The following C12orf42 variants were observed in gnomAD, a reference collection of about 807,000 sequenced individuals.
C12orf42 encodes chromosome 12 open reading frame 42, also known as uncharacterized protein C12orf42.
Under a neutral mutation model 21.6 loss-of-function variants are expected in C12orf42, and 25 were observed. That is an observed-to-expected ratio of 1.16 (90% confidence interval 0.84 to 1.62). The LOEUF (loss-of-function observed/expected upper bound fraction) is 1.62, where lower values mean the gene tolerates loss of function less well. C12orf42 is among the 40% of genes most tolerant of loss of function. C12orf42 has a pLI of 0.00. For missense variants in C12orf42, 483 were observed against 459.3 expected, an observed-to-expected ratio of 1.05 and a Z score of -0.47; for synonymous variants, 174 against 175.0, an observed-to-expected ratio of 0.99 and a Z score of 0.05.
At chr12:103,065,627 C>T in the C12orf42 span, among the ~76,000 whole-genome samples, 3 of 152,186 alleles carry the variant, frequency 2.0e-5, no homozygotes, top group Non-Finnish European at 2.9e-5. Flanking sequence ...ATTAATGAGA[C>T]GTTTGTGTGC....
chr12:103,186,026 A>G, the C12orf42 span, among the ~76,000 whole-genome samples: 1 of 152,206 alleles, frequency 6.6e-6, no homozygotes, highest in Non-Finnish European at 1.5e-5. Flanking sequence ...TAAGAAACTA[A>G]GTTGGTCCAG....
the C12orf42 span, among the ~76,000 whole-genome samples, chr12:103,150,455 C>G: frequency 0.12 from 18,815 of 152,188 alleles, 1,585 homozygotes; most frequent in East Asian, 0.45. Context: ...TTAAAATTAG[C>G]TTTTATTGAC....
chr12:103,278,326 C>G (rs371733124), intron 4 of C12orf42, among the ~76,000 whole-genome samples: 40 of 152,054 alleles, frequency 2.6e-4, no homozygotes, highest in African/African-American at 8.9e-4. Flanking sequence ...TCCACTGAAC[C>G]AAAATACACT....
chr12:103,492,110 C>G (rs1017635263), intron 1 of C12orf42, among the ~76,000 whole-genome samples: 3 of 152,156 alleles, frequency 2.0e-5, no homozygotes, highest in African/African-American at 4.8e-5. Context: ...GCGTGCGCAA[C>G]TACGCCCAGC....
the C12orf42 span, among the ~76,000 whole-genome samples, chr12:103,218,042 G>A: frequency 6.6e-6 from 1 of 152,168 alleles, no homozygotes; most frequent in Non-Finnish European, 1.5e-5. Context: ...AGCATTTTGG[G>A]AGGCGAGGTG....
the C12orf42 span, among the ~76,000 whole-genome samples, chr12:103,078,876 AT>A: frequency 6.6e-6 from 1 of 152,178 alleles, no homozygotes; most frequent in Non-Finnish European, 1.5e-5. Flanking sequence ...CCGACATCCT[AT>A]ACTATGCTTT....
the C12orf42 span, among the ~76,000 whole-genome samples, chr12:103,049,984 C>CTTGG: frequency 2.0e-5 from 3 of 152,252 alleles, no homozygotes; most frequent in South Asian, 2.1e-4. Context: ...TATTTATTTA[C>CTTGG]TTGGTTGGTT....
At chr12:103,052,741 G>A in the C12orf42 span, among the ~76,000 whole-genome samples, 55 of 152,082 alleles carry the variant, frequency 3.6e-4, no homozygotes, top group African/African-American at 1.2e-3. Context: ...CCAAGCTCAT[G>A]AAGATATATT....
chr12:103,400,470 G>A (rs961303494), intron 3 of C12orf42, among the ~76,000 whole-genome samples: 3 of 152,178 alleles, frequency 2.0e-5, no homozygotes, highest in Admixed American at 6.5e-5. Flanking sequence ...AGTCCATTCT[G>A]GGAGTCATGG....
At chr12:103,140,449 A>G in the C12orf42 span, among the ~76,000 whole-genome samples, 2 of 152,128 alleles carry the variant, frequency 1.3e-5, no homozygotes, top group Admixed American at 6.5e-5. Flanking sequence ...GGAGGAGTTA[A>G]AATTCATGAG....
At chr12:103,183,263 G>A in the C12orf42 span, among the ~76,000 whole-genome samples, 3 of 152,178 alleles carry the variant, frequency 2.0e-5, no homozygotes, top group Non-Finnish European at 4.4e-5. Flanking sequence ...TGTATTTTTA[G>A]TAGAGGTGGG....
At chr12:103,352,191 A>C (rs766220845) in intron 4 of C12orf42, among the ~76,000 whole-genome samples, 1 of 152,106 alleles carries the variant, frequency 6.6e-6, no homozygotes, top group Non-Finnish European at 1.5e-5. Context: ...TGATCTGCCT[A>C]AGAAAGGCCA....
chr12:103,346,598 G>C (rs906039075), intron 4 of C12orf42, among the ~76,000 whole-genome samples: 7 of 152,294 alleles, frequency 4.6e-5, no homozygotes, highest in African/African-American at 1.7e-4. Flanking sequence ...GTAATTAGCA[G>C]AGAAAAGTTG....
chr12:103,483,689 T>G (rs1471572488), intron 1 of C12orf42, among the ~76,000 whole-genome samples: 1 of 152,130 alleles, frequency 6.6e-6, no homozygotes, highest in Admixed American at 6.5e-5. Flanking sequence ...ATACTTTAAG[T>G]TCTAGGGTAC....
chr12:103,054,723 G>A, the C12orf42 span, among the ~76,000 whole-genome samples: 1 of 151,856 alleles, frequency 6.6e-6, no homozygotes, highest in African/African-American at 2.4e-5. Flanking sequence ...TTCTGTAGAT[G>A]TTCTTTATCA....
At position 103,449,462 on chromosome 12, in the gene C12orf42, ACC is replaced by A. The variant is rs552776114; in HGVS notation, c.78+28885_78+28886del. ...AAAGAACTTATTCATGTAACCAAAC[ACC>A]CCCTGTTCCCCAAAAACATATTGAA... On this transcript the variant is annotated intron_variant, in intron 2 of 5. Coordinates refer to ENST00000548883, the MANE Select transcript of C12orf42 (RefSeq NM_198521.5). Among the ~76,000 whole-genome samples the A allele has an allele frequency of 1.6e-4, 24 of 151,876 alleles. No individual in the cohort carries two copies. In the East Asian group the frequency reaches 4.5e-3, roughly 28 times the overall value.
chr12:103,394,839 A>G (rs963912657), intron 3 of C12orf42, among the ~76,000 whole-genome samples: 1 of 152,184 alleles, frequency 6.6e-6, no homozygotes, highest in Admixed American at 6.5e-5. Context: ...GTGGGGCTAC[A>G]TGCTGAGAAC....
chr12:103,253,868 T>A (rs184612073), intron 10 of C12orf42, among the ~76,000 whole-genome samples: 3 of 152,062 alleles, frequency 2.0e-5, no homozygotes, highest in East Asian at 3.9e-4. Flanking sequence ...TCATACATTC[T>A]AGATGTTAGG....
intron 4 of C12orf42, among the ~76,000 whole-genome samples, chr12:103,288,491 C>T (rs542450835): frequency 2.6e-5 from 4 of 152,278 alleles, no homozygotes; most frequent in South Asian, 4.1e-4. Flanking sequence ...TCGTTTAATG[C>T]GTCCTTGTTT....
Sources: allele counts gnomAD v4.1 joint callset (sites outside exome capture counted in the v4.1 genomes callset), GRCh38; gene constraint gnomAD v4.1.1; transcripts MANE v1.5; gene names NCBI Gene and HGNC (gene_info 2026-07-23, HGNC 2026-07-21).